Variants in PROSER2 observed in about 807,000 individuals in gnomAD.
PROSER2 encodes proline and serine-rich protein 2.
A neutral mutation model predicts 14.6 loss-of-function variants in PROSER2; 18 were observed. The ratio of observed to expected loss-of-function variants is 1.23; its 90% CI spans 0.85 to 1.83. PROSER2 has a LOEUF of 1.83. Ranked by LOEUF, PROSER2 falls within the 40% of genes most tolerant of loss-of-function variation. PROSER2 has a pLI of 0.00. For missense variants in PROSER2, 823 were observed against 629.8 expected (o/e 1.31, Z -3.28); for synonymous variants, 367 against 286.4 (o/e 1.28, Z -2.84).
chr10:11,842,188 A>G (rs543990113), intron 1 of PROSER2, among the ~76,000 whole-genome samples: 2 of 151,632 alleles, frequency 1.3e-5, no homozygotes, highest in South Asian at 2.1e-4. Context: ...CGCCACTGCA[A>G]TCCAGCCTGG....
rs1278373017 is a variant in PROSER2 at position 11,837,005 on chromosome 10, G to A, written c.-82+13535G>A. Among the ~76,000 whole-genome samples, 2 of 152,088 alleles carry A rather than the reference G, an allele frequency of 1.3e-5. No individual in the cohort carries two copies. Among genetic ancestry groups the A allele is most frequent in the African/African-American group, 2.4e-5 (1 of 41,394 alleles). ...CCTGCATGCGAATCCTCCTTTGCCC[G>A]GAGTCCCCACCTGCCCATCACTTAG... On this transcript the variant is annotated intron_variant, in intron 1 of 3. Transcript: ENST00000277570. This position sits in a 1 kb window ranked among gnomAD's most constrained non-coding sequence, Gnocchi z 4.6.
chr10:11,870,338 C>G lies in PROSER2; in HGVS notation c.1240C>G (p.Arg414Gly). Residue 414 changes from arginine to glycine, a missense_variant, in exon 4 of 4, where the codon CGC becomes GGC. By Grantham distance (125) the Arg-to-Gly change is moderately radical. Coordinates refer to ENST00000277570, the MANE Select transcript of PROSER2 (RefSeq NM_153256.4). ...GGGCATCACCGTGCAGTTCGCGGGCCGCGGCTCCTCGGAGGAGGCGCGCAG... is the reference window on the plus strand; with the variant it reads ...GGGCATCACCGTGCAGTTCGCGGGCGGCGGCTCCTCGGAGGAGGCGCGCAG... Reference protein sequence around the residue: ...PQGITVQFAGRGSSEEARREA... With the variant: ...PQGITVQFAGGGSSEEARREA... 1 of 1,506,136 alleles carries G rather than the reference C, an allele frequency of 6.6e-7. No homozygotes were observed. Among genetic ancestry groups the G allele is most frequent in the Non-Finnish European group, 8.8e-7 (1 of 1,130,522 alleles). The allele number at this position is 1,506,136 out of a possible 1,614,324, so 93.3% of individuals were successfully genotyped here. A position where few individuals can be genotyped will look rare whatever the true frequency, so the allele number is the denominator to read the frequency against.
intron 1 of PROSER2, among the ~76,000 whole-genome samples, chr10:11,843,193 G>GC (rs1433389175): frequency 6.7e-6 from 1 of 149,498 alleles, no homozygotes; most frequent in Non-Finnish European, 1.5e-5. Context: ...GCCCACCTCG[G>GC]CCTCCCAAAG....
chr10:11,840,055 T>A (rs150093169), intron 1 of PROSER2, among the ~76,000 whole-genome samples: 15,690 of 151,304 alleles, frequency 0.1, 1,076 homozygotes, highest in Non-Finnish European at 0.15. Flanking sequence ...CAGTCTCAAG[T>A]GATTCTCCTG....
intron 2 of PROSER2, among the ~76,000 whole-genome samples, chr10:11,863,725 T>C (rs1407619048): frequency 6.6e-6 from 1 of 152,230 alleles, no homozygotes; most frequent in East Asian, 1.9e-4. Flanking sequence ...CATATTGCTA[T>C]ATATCCTTTG....
At chr10:11,824,280 C>T (rs1380394477) in intron 1 of PROSER2, among the ~76,000 whole-genome samples, 4 of 152,066 alleles carry the variant, frequency 2.6e-5, no homozygotes, top group African/African-American at 9.7e-5. Flanking sequence ...GTAAAACGTT[C>T]AGATCTGTAG....
chr10:11,835,118 A>G (rs1007913156), intron 1 of PROSER2, among the ~76,000 whole-genome samples: 2 of 138,004 alleles, frequency 1.4e-5, no homozygotes, highest in South Asian at 2.4e-4. Flanking sequence ...AAAAAAAAAA[A>G]AAAAAAGAAA....
Position 11,866,055 on chromosome 10 carries a change from C to T in PROSER2, c.139-476C>T, listed in dbSNP as rs925969349. On this transcript the variant is annotated intron_variant, in intron 2 of 3. Transcript: ENST00000277570. The surrounding 1 kb of genome is among the most constrained non-coding windows in gnomAD (Gnocchi z 6.0). ...TTCCCCAAAGATGATGCGTGCTCCA[C>T]CATCTCTCTTCCTGTTATTTTGTCA... Among the ~76,000 whole-genome samples the T allele has an allele frequency of 3.3e-5, 5 of 152,098 alleles. No homozygotes were observed. Among genetic ancestry groups the T allele is most frequent in the African/African-American group, 4.8e-5 (2 of 41,376 alleles).
intron 3 of PROSER2, among the ~76,000 whole-genome samples, chr10:11,867,055 G>C (rs1834363342): frequency 6.6e-6 from 1 of 151,998 alleles, no homozygotes; most frequent in Non-Finnish European, 1.5e-5. Context: ...ATGAGGTCAG[G>C]AGATTGAGAC....
rs912044645 is a variant in PROSER2 at position 11,870,785 on chromosome 10, G to A, written c.*379G>A. 5.3e-6 allele frequency: 1 copy of A among 190,462 alleles called. No individual in the cohort carries two copies. The highest frequency in any genetic ancestry group is 1.2e-5 in the Non-Finnish European group (1 of 84,176). The allele number at this position is 190,462 out of a possible 1,614,324, so 11.8% of individuals were successfully genotyped here. ...CTTGAGTCTCATCTACCCTCTTCTC[G>A]AAGTACATGACATGAAAGTTCAGAT... is the stretch of plus-strand genomic sequence containing the variant. On this transcript the variant is annotated 3_prime_UTR_variant, in exon 4 of 4. Coordinates refer to ENST00000277570, the MANE Select transcript of PROSER2 (RefSeq NM_153256.4).
Position 11,870,035 on chromosome 10 carries a change from C to G in PROSER2, c.937C>G (p.Pro313Ala). 8.1e-7 allele frequency: 1 copy of G among 1,239,082 alleles called. No homozygotes were observed. The highest frequency in any genetic ancestry group is 1.0e-6 in the Non-Finnish European group (1 of 991,906). The allele number at this position is 1,239,082 out of a possible 1,614,324, so 76.8% of individuals were successfully genotyped here. A position where few individuals can be genotyped will look rare whatever the true frequency, so the allele number is the denominator to read the frequency against. ...GEGAPGGGSS[P>A]ERVARGRGLP... ...GGGGGCCCCAGGGGGCGGCTCCTCC[C>G]CGGAGCGGGTGGCGCGTGGCCGGGG... Residue 313 changes from proline to alanine, a missense_variant, in exon 4 of 4, where the codon CCG becomes GCG. Transcript: ENST00000277570.
At chr10:11,867,876 T>C (rs896382012) in intron 3 of PROSER2, among the ~76,000 whole-genome samples, 3 of 152,184 alleles carry the variant, frequency 2.0e-5, no homozygotes, top group African/African-American at 4.8e-5. Context: ...TGAAAACAAA[T>C]GTGGCCAAGG....
intron 1 of PROSER2, among the ~76,000 whole-genome samples, chr10:11,842,944 T>C (rs1402133480): frequency 2.0e-5 from 2 of 97,798 alleles, no homozygotes; most frequent in Admixed American, 1.1e-4. Flanking sequence ...TTTTTTTTTT[T>C]TTTTTTTTTT....
rs1834421763 is a variant in PROSER2, at chr10:11,869,554, C to T, written c.456C>T (p.Pro152=). The T allele has an allele frequency of 1.9e-6, 3 of 1,613,328 alleles. No individual in the cohort carries two copies. Among genetic ancestry groups the T allele is most frequent in the African/African-American group, 2.7e-5 (2 of 74,884 alleles). The change falls in exon 4 of 4, where the codon CCC becomes CCT. Residue 152 remains proline, a synonymous_variant. Coordinates refer to ENST00000277570, the MANE Select transcript of PROSER2 (RefSeq NM_153256.4). This position sits in a 1 kb window ranked among gnomAD's most constrained non-coding sequence, Gnocchi z 4.4. ...CTGAGACTCCTCCACCTCCAGACCC[C>T]CCGGCTCCCGAGACCCTTCTTGCGC... ...QDAETPPPPD[P]PAPETLLAPP...
chr10:11,838,481 C>G lies in PROSER2; in HGVS notation c.-81-13516C>G, dbSNP rs976906068. On this transcript the variant is annotated intron_variant, in intron 1 of 3. Transcript: ENST00000277570. This position sits in a 1 kb window ranked among gnomAD's most constrained non-coding sequence, Gnocchi z 4.4. ...AGCAGGCAACACTGTATACCCATCCCGGCACGTGTTTCCACATGTTCCTAG... is the reference window on the plus strand; with the variant it reads ...AGCAGGCAACACTGTATACCCATCCGGGCACGTGTTTCCACATGTTCCTAG... 6.6e-6 allele frequency among the ~76,000 whole-genome samples: 1 copy of G among 152,228 alleles called. No individual in the cohort carries two copies. The highest frequency in any genetic ancestry group is 2.4e-5 in the African/African-American group (1 of 41,456).
intron 3 of PROSER2, among the ~76,000 whole-genome samples, chr10:11,867,576 A>G (rs1479307201): frequency 1.3e-5 from 2 of 152,336 alleles, no homozygotes; most frequent in East Asian, 3.9e-4. Context: ...GTGAGCTGAG[A>G]TCGTGCTACT....
chr10:11,856,299 G>A lies in PROSER2; in HGVS notation c.138+4084G>A, dbSNP rs374593209. On this transcript the variant is annotated intron_variant, in intron 2 of 3. Coordinates refer to ENST00000277570, the MANE Select transcript of PROSER2 (RefSeq NM_153256.4). The surrounding 1 kb of genome is among the most constrained non-coding windows in gnomAD (Gnocchi z 5.3). ...GGCCTGTGTCTCCAGGGCTCACCTC[G>A]TCTCACAAAACCCCCTGGGTGCACG... 6.6e-6 allele frequency among the ~76,000 whole-genome samples: 1 copy of A among 152,158 alleles called. No individual in the cohort carries two copies. Among genetic ancestry groups the A allele is most frequent in the Non-Finnish European group, 1.5e-5 (1 of 68,034 alleles).
intron 1 of PROSER2, among the ~76,000 whole-genome samples, chr10:11,829,835 ATTTTTTTTT>A (rs5783232): frequency 3.0e-4 from 20 of 66,274 alleles, no homozygotes; most frequent in African/African-American, 1.2e-3. Context: ...TTTACTTCTG[ATTTTTTTTT>A]TTTTTTTTTT....
chr10:11,831,290 G>T (rs1400533136), intron 1 of PROSER2, among the ~76,000 whole-genome samples: 1 of 152,126 alleles, frequency 6.6e-6, no homozygotes, highest in East Asian at 1.9e-4. Flanking sequence ...TTCCTTCCTA[G>T]CAAGAAGTAC....
Sources: gnomAD v4.1 joint callset for allele counts (sites outside exome capture counted in the v4.1 genomes callset) on GRCh38, gnomAD v4.1.1 for gene constraint, Gnocchi (gnomAD v3.1) non-coding constraint, MANE v1.5 for transcripts, NCBI Gene and HGNC (gene_info 2026-07-23, HGNC 2026-07-21) for gene names.